Variants in CDC27 observed in about 807,000 individuals in gnomAD.
CDC27 encodes cell division cycle protein 27 homolog.
A neutral mutation model predicts 109.7 loss-of-function variants in CDC27; 27 were observed. That is an observed-to-expected ratio of 0.25 (90% CI 0.18 to 0.34). The LOEUF is 0.34. Among genes scored for constraint, CDC27 ranks in the 10% least tolerant of loss-of-function variants. CDC27 has a pLI of 1.00. For missense variants in CDC27, 579 were observed against 960.2 expected (o/e 0.60, Z 5.25); for synonymous variants, 266 against 333.9 (o/e 0.80, Z 2.22).
chr17:47,123,997 A>C, intron 16 of CDC27, 37 bp from the exon 17 acceptor site: 1 of 1,461,056 alleles, frequency 6.8e-7, no homozygotes, highest in Admixed American at 2.2e-5. Flanking sequence ...AGTAGCAAAA[A>C]TTTTTAAAGT....
At chr17:47,154,914 G>T (rs746310606) in intron 7 of CDC27, 128 bp from the exon 8 acceptor site, 2 of 512,700 alleles carry the variant, frequency 3.9e-6, no homozygotes, top group Non-Finnish European at 6.9e-6. Flanking sequence ...GAGGATCTGA[G>T]GGGCAGATTA....
At position 47,184,552 on chromosome 17, in the gene CDC27, G is replaced by A. The variant is rs117908176; in HGVS notation, c.28-2915C>T. On this transcript the variant is annotated intron_variant, in intron 1 of 18. Transcript: ENST00000066544. ...AATTAAAGAAATAAGAGGCAAGGGC[G>A]GGGGGAAAAAAGAAGGAAAAAAGGT... is the stretch of plus-strand genomic sequence containing the variant. 3.4e-3 allele frequency among the ~76,000 whole-genome samples: 510 copies of A among 152,142 alleles called. 19 individuals carry two copies. In the East Asian group the frequency reaches 0.079, roughly 24 times the overall value.
intron 9 of CDC27, among the ~76,000 whole-genome samples, chr17:47,146,643 C>T (rs893364840): frequency 1.3e-5 from 2 of 152,164 alleles, no homozygotes; most frequent in Non-Finnish European, 2.9e-5. Context: ...ACTAAGGCTA[C>T]TTTTGTCTGG....
intron 9 of CDC27, among the ~76,000 whole-genome samples, chr17:47,150,090 T>C (rs2063110202): frequency 6.6e-6 from 1 of 152,218 alleles, no homozygotes; most frequent in African/African-American, 2.4e-5. Flanking sequence ...ATCCCTCCCA[T>C]AAAGACTAAG....
At chr17:47,147,840 A>G (rs918418796) in intron 9 of CDC27, among the ~76,000 whole-genome samples, 2 of 150,618 alleles carry the variant, frequency 1.3e-5, no homozygotes. Flanking sequence ...GTTTGAGGCT[A>G]CAGTGAGCCA....
At position 47,184,415 on chromosome 17, in the gene CDC27, G is replaced by A. The variant is rs1192292877; in HGVS notation, c.28-2778C>T. Among the ~76,000 whole-genome samples, 13 of 152,038 alleles carry A rather than the reference G, an allele frequency of 8.6e-5. No individual in the cohort carries two copies. The East Asian group carries it at 2.3e-3, about 27-fold the overall frequency. On this transcript the variant is annotated intron_variant, in intron 1 of 18. Coordinates refer to ENST00000066544, the MANE Select transcript of CDC27 (RefSeq NM_001256.6). The stretch of plus-strand genomic sequence containing the variant: ...ATTTTGCAATATATAAGCCACAAAA[G>A]ACTCAAATGATTTACCAGCTATTTT...
intron 1 of CDC27, among the ~76,000 whole-genome samples, chr17:47,184,273 T>C (rs1173174465): frequency 6.6e-6 from 1 of 152,216 alleles, no homozygotes; most frequent in East Asian, 1.9e-4. Context: ...TAGTATACTA[T>C]CATACATTAA....
chr17:47,128,738 C>T (rs568978686), intron 16 of CDC27, among the ~76,000 whole-genome samples: 3 of 151,686 alleles, frequency 2.0e-5, no homozygotes, highest in Non-Finnish European at 4.4e-5. Flanking sequence ...AATGCACACA[C>T]ATTCGTTTTC....
intron 8 of CDC27, 44 bp from the exon 9 acceptor site, chr17:47,151,962 A>G: frequency 1.9e-6 from 3 of 1,540,784 alleles, no homozygotes; most frequent in Non-Finnish European, 1.7e-6. Flanking sequence ...TATGGGCTGC[A>G]CTGTAAATGA....
intron 7 of CDC27, among the ~76,000 whole-genome samples, chr17:47,156,441 C>T (rs1287506508): frequency 1.4e-5 from 2 of 147,052 alleles, no homozygotes; most frequent in Admixed American, 6.8e-5. Flanking sequence ...CCTGGCCAGT[C>T]CAATATTCAA....
intron 14 of CDC27, among the ~76,000 whole-genome samples, chr17:47,136,763 C>T (rs113916812): frequency 2.6e-5 from 4 of 152,088 alleles, no homozygotes; most frequent in Non-Finnish European, 5.9e-5. Context: ...AATTTTTTTT[C>T]CTATTATCCA....
intron 9 of CDC27, among the ~76,000 whole-genome samples, chr17:47,149,287 A>G (rs1482067457): frequency 6.6e-6 from 1 of 151,428 alleles, no homozygotes; most frequent in Non-Finnish European, 1.5e-5. Context: ...CCAAGGCAGG[A>G]GGATCACAAG....
At chr17:47,177,217 T>C (rs1335034966) in intron 2 of CDC27, among the ~76,000 whole-genome samples, 2 of 152,094 alleles carry the variant, frequency 1.3e-5, no homozygotes, top group Non-Finnish European at 2.9e-5. Context: ...GCCCAAGTGT[T>C]TGAGGCCAGC....
chr17:47,184,844 G>A (rs1339299046), intron 1 of CDC27, among the ~76,000 whole-genome samples: 1 of 152,190 alleles, frequency 6.6e-6, no homozygotes, highest in Non-Finnish European at 1.5e-5. Context: ...CAGCACCTCT[G>A]CCCAACTGAT....
chr17:47,153,028 C>T (rs1340451955), intron 8 of CDC27, among the ~76,000 whole-genome samples: 1 of 152,152 alleles, frequency 6.6e-6, no homozygotes, highest in African/African-American at 2.4e-5. Context: ...AATGTACCAC[C>T]ACTTCAAAAT....
chr17:47,185,498 T>A (rs1326811507), intron 1 of CDC27, among the ~76,000 whole-genome samples: 2 of 152,190 alleles, frequency 1.3e-5, no homozygotes, highest in Non-Finnish European at 2.9e-5. Flanking sequence ...TCATTATAAA[T>A]TTTTTGTTAG....
At chr17:47,170,673 G>A (rs1277447952) in intron 3 of CDC27, among the ~76,000 whole-genome samples, 1 of 152,072 alleles carries the variant, frequency 6.6e-6, no homozygotes, top group East Asian at 1.9e-4. Flanking sequence ...ATGTCAGAAG[G>A]AACAGAAGAT....
At chr17:47,122,675 CTTAT>C (rs1230576325) in intron 17 of CDC27, 75 bp from the exon 18 acceptor site, 3 of 1,051,288 alleles carry the variant, frequency 2.9e-6, no homozygotes, top group South Asian at 2.7e-5. Flanking sequence ...TATATATATA[CTTAT>C]TTATTTATTT....
At chr17:47,149,047 C>A in intron 9 of CDC27, among the ~76,000 whole-genome samples, 1 of 141,598 alleles carries the variant, frequency 7.1e-6, no homozygotes, top group African/African-American at 2.6e-5. Flanking sequence ...CCATTGCACT[C>A]CAGCCCAGGC....
Sources: allele counts gnomAD v4.1 joint callset (sites outside exome capture counted in the v4.1 genomes callset), GRCh38; gene constraint gnomAD v4.1.1; transcripts MANE v1.5; gene names NCBI Gene and HGNC (gene_info 2026-07-23, HGNC 2026-07-21).